RBFOX1: variants seen among roughly 807,000 people sequenced by gnomAD.
The protein encoded by RBFOX1 is RNA binding fox-1 homolog 1, also known as RNA binding protein fox-1 homolog 1.
Under a neutral mutation model 57.7 loss-of-function variants are expected in RBFOX1, and 8 were observed. That is an observed-to-expected ratio of 0.14 (90% CI 0.08 to 0.25). RBFOX1 has a LOEUF of 0.25. Ranked by LOEUF, RBFOX1 falls within the 10% of genes least tolerant of loss-of-function variation. The pLI is 1.00. For synonymous variants in RBFOX1, 326 were observed against 222.4 expected (o/e 1.47, Z -4.15); for missense variants, 611 against 548.5 (o/e 1.11, Z -1.14).
At chr16:5,531,457 T>G (rs760338409) in intron 2 of RBFOX1, among the ~76,000 whole-genome samples, 9 of 152,210 alleles carry the variant, frequency 5.9e-5, no homozygotes, top group Non-Finnish European at 1.2e-4. Flanking sequence ...ACTAGCTTCT[T>G]TCTTTAAGTT....
chr16:7,081,549 G>A lies in RBFOX1; in HGVS notation c.27+29451G>A, dbSNP rs537408080. 2.6e-5 allele frequency among the ~76,000 whole-genome samples: 4 copies of A among 152,248 alleles called. No homozygotes were observed. In the East Asian group the frequency reaches 5.8e-4, roughly 22 times the overall value. On this transcript the variant is annotated intron_variant, in intron 4 of 15. Transcript: ENST00000550418. Reference sequence around the variant, plus strand: ...ACTAATGATGGGAATGAGAGTAGTGGGAGTTTTTATATGGAGGACATTATT... The same window carrying A: ...ACTAATGATGGGAATGAGAGTAGTGAGAGTTTTTATATGGAGGACATTATT...
chr16:6,237,190 C>A (rs1159275433), intron 1 of RBFOX1, among the ~76,000 whole-genome samples: 1 of 152,156 alleles, frequency 6.6e-6, no homozygotes, highest in Admixed American at 6.5e-5. Context: ...AACACATCTT[C>A]CTATAAATTT....
At chr16:6,412,137 A>AAC (rs1555461522) in intron 2 of RBFOX1, among the ~76,000 whole-genome samples, 20 of 144,618 alleles carry the variant, frequency 1.4e-4, no homozygotes, top group African/African-American at 5.0e-4. Flanking sequence ...CATGTAAAAA[A>AAC]AAAAAAACAA....
At chr16:6,581,083 C>G (rs1193516684) in intron 2 of RBFOX1, among the ~76,000 whole-genome samples, 1 of 152,128 alleles carries the variant, frequency 6.6e-6, no homozygotes, top group East Asian at 1.9e-4. Flanking sequence ...CTCCTTTTTC[C>G]ATGCTGTGCC....
At chr16:6,285,035 C>A (rs891116822) in intron 1 of RBFOX1, among the ~76,000 whole-genome samples, 1 of 151,984 alleles carries the variant, frequency 6.6e-6, no homozygotes, top group African/African-American at 2.4e-5. Context: ...AGTCTTAAAC[C>A]GAGAGAGGCA....
At chr16:7,433,032 C>T (rs12922117) in intron 4 of RBFOX1, among the ~76,000 whole-genome samples, 91,591 of 152,048 alleles carry the variant, frequency 0.6, 31,495 homozygotes, top group Non-Finnish European at 0.76. Flanking sequence ...GCAAATGCCA[C>T]GCAAAATTCC....
intron 2 of RBFOX1, among the ~76,000 whole-genome samples, chr16:6,487,091 G>A (rs2095499944): frequency 6.6e-6 from 1 of 151,606 alleles, no homozygotes; most frequent in Non-Finnish European, 1.5e-5. Context: ...TTTTTATTAA[G>A]CTAAATAAAG....
rs148767022 is a variant in RBFOX1, at chr16:7,043,470, C to T, written c.-15-8587C>T. On this transcript the variant is annotated intron_variant, in intron 3 of 15. Transcript: ENST00000550418. ...AATGCATCAAGGAAAACGCAAACTC[C>T]AGGGCTCACCCTAGGTACTTGGAGA... 2.1e-3 allele frequency among the ~76,000 whole-genome samples: 318 copies of T among 152,288 alleles called. 4 individuals carry two copies. Among genetic ancestry groups the T allele is most frequent in the Middle Eastern group, 0.014 (4 of 294 alleles).
rs570951674 is a variant in RBFOX1, at chr16:6,928,921, T to C, written c.-15-123136T>C. Among the ~76,000 whole-genome samples the C allele has an allele frequency of 3.9e-5, 6 of 152,182 alleles. No individual in the cohort carries two copies. The South Asian group carries it at 1.2e-3, about 32-fold the overall frequency. On this transcript the variant is annotated intron_variant, in intron 3 of 15. Coordinates refer to ENST00000550418, the MANE Select transcript of RBFOX1 (RefSeq NM_018723.4). Reference sequence around the variant, plus strand: ...CCAGTAGAGCATCAGTTGTCAGATATGGGGGCTTCAAGTCCCCAAAGCAGA... The same window carrying C: ...CCAGTAGAGCATCAGTTGTCAGATACGGGGGCTTCAAGTCCCCAAAGCAGA...
chr16:5,650,678 G>C (rs1029129916), intron 3 of RBFOX1, among the ~76,000 whole-genome samples: 2 of 152,004 alleles, frequency 1.3e-5, no homozygotes, highest in African/African-American at 4.8e-5. Context: ...ATTTAACAGG[G>C]GTTACCAGGA....
At position 6,405,422 on chromosome 16, in the gene RBFOX1, G is replaced by T. The variant is rs573019232; in HGVS notation, c.-64+88365G>T. Among the ~76,000 whole-genome samples the T allele has an allele frequency of 1.1e-3, 163 of 152,304 alleles. 2 individuals carry two copies. The highest frequency in any genetic ancestry group is 3.7e-3 in the African/African-American group (155 of 41,564). On this transcript the variant is annotated intron_variant, in intron 2 of 15. Coordinates refer to ENST00000550418, the MANE Select transcript of RBFOX1 (RefSeq NM_018723.4). ...GGGAAGTGCACCAAATAGTGCCTCA[G>T]GGACTCAGGCTATGGAGGCTTCACC...
intron 3 of RBFOX1, among the ~76,000 whole-genome samples, chr16:6,795,557 C>G (rs1310683878): frequency 6.6e-6 from 1 of 151,942 alleles, no homozygotes; most frequent in Non-Finnish European, 1.5e-5. Flanking sequence ...CACGAGGTCA[C>G]AAGTTCAAGA....
chr16:6,483,611 A>C, intron 2 of RBFOX1: 4 of 1,171,744 alleles, frequency 3.4e-6, no homozygotes, highest in Non-Finnish European at 4.5e-6. Context: ...AGAGGGAGGG[A>C]GGGAAGGGAG....
intron 2 of RBFOX1, among the ~76,000 whole-genome samples, chr16:5,482,692 T>G (rs1013052975): frequency 4.6e-5 from 7 of 151,832 alleles, no homozygotes; most frequent in Non-Finnish European, 1.0e-4. Flanking sequence ...AGAATGGGGG[T>G]GTGTGTGATC....
chr16:6,144,047 C>T (rs1050435408), intron 1 of RBFOX1, among the ~76,000 whole-genome samples: 3 of 151,600 alleles, frequency 2.0e-5, no homozygotes, highest in Non-Finnish European at 1.5e-5. Context: ...GATCCTCTTG[C>T]CTCAGCCTCC....
intron 3 of RBFOX1, among the ~76,000 whole-genome samples, chr16:6,878,379 A>G (rs925162346): frequency 6.6e-6 from 1 of 152,186 alleles, no homozygotes; most frequent in Non-Finnish European, 1.5e-5. Flanking sequence ...TCTCTCTGAT[A>G]TGGTGGCTAG....
At chr16:7,538,855 A>T (rs867764509) in intron 5 of RBFOX1, among the ~76,000 whole-genome samples, 1 of 36,880 alleles carries the variant, frequency 2.7e-5, no homozygotes, top group South Asian at 1.1e-3. Flanking sequence ...CCGCACCCCC[A>T]CCCCCACCCC....
intron 3 of RBFOX1, among the ~76,000 whole-genome samples, chr16:6,788,269 C>G (rs183579469): frequency 5.3e-5 from 8 of 152,024 alleles, no homozygotes; most frequent in African/African-American, 1.9e-4. Flanking sequence ...TGCATCATAC[C>G]TGTTCTGATT....
chr16:7,067,740 G>C (rs1223878941), intron 4 of RBFOX1, among the ~76,000 whole-genome samples: 1 of 133,068 alleles, frequency 7.5e-6, no homozygotes, highest in Non-Finnish European at 1.5e-5. Context: ...CTGTGTCCAT[G>C]TGTTCTCATT....
Sources: gnomAD v4.1 joint callset for allele counts (sites outside exome capture counted in the v4.1 genomes callset) on GRCh38, gnomAD v4.1.1 for gene constraint, MANE v1.5 for transcripts, NCBI Gene and HGNC (gene_info 2026-07-23, HGNC 2026-07-21) for gene names.